DNAH14: variants seen among roughly 807,000 people sequenced by gnomAD.
DNAH14 encodes the protein axonemal beta dynein heavy chain 14.
In DNAH14, 478 loss-of-function variants were observed where a neutral mutation model predicts 520.9. That is an observed-to-expected ratio of 0.92 (90% CI 0.85 to 0.99). The LOEUF (loss-of-function observed/expected upper bound fraction) is 0.99. DNAH14 is among the 50% of genes least tolerant of loss of function. The pLI, the probability that DNAH14 is intolerant of heterozygous loss-of-function variation, is 0.00. For synonymous variants in DNAH14, 1,581 were observed against 1,757.2 expected, an observed-to-expected ratio of 0.90 and a Z score of 2.51; for missense variants, 4,831 against 5,234.5, an observed-to-expected ratio of 0.92 and a Z score of 2.38.
intron 17 of DNAH14, among the ~76,000 whole-genome samples, chr1:225,056,726 TCCAGTTTCAGCTTTCTACATATGGCTAG>T (rs1486934533): frequency 6.6e-6 from 1 of 152,190 alleles, no homozygotes; most frequent in African/African-American, 2.4e-5. Flanking sequence ...AAGGAAGGGA[TCCAGTTTCAGCTTTCTACATATGGCTAG>T]CCAGTTTTCC....
At chr1:225,323,110 A>G (rs1258242638) in intron 62 of DNAH14, among the ~76,000 whole-genome samples, 2 of 152,194 alleles carry the variant, frequency 1.3e-5, no homozygotes, top group South Asian at 2.1e-4. Context: ...ACCTGTGGGC[A>G]TGTGACACAG....
intron 35 of DNAH14, among the ~76,000 whole-genome samples, chr1:225,163,290 A>C (rs2081712167): frequency 6.6e-6 from 1 of 152,078 alleles, no homozygotes; most frequent in South Asian, 2.1e-4. Context: ...ATATAAGATC[A>C]TATCATCTGC....
intron 10 of DNAH14, among the ~76,000 whole-genome samples, chr1:225,020,234 T>C (rs2065556690): frequency 6.6e-6 from 1 of 151,830 alleles, no homozygotes; most frequent in Non-Finnish European, 1.5e-5. Context: ...AGGTGGCTCA[T>C]GCTTGTAATC....
At chr1:224,938,976 A>G (rs886693082) in intron 1 of DNAH14, among the ~76,000 whole-genome samples, 19 of 152,194 alleles carry the variant, frequency 1.2e-4, no homozygotes, top group African/African-American at 4.6e-4. Context: ...TGGGAGCAAA[A>G]AAAGTGGCTC....
Position 225,354,976 on chromosome 1 carries a change from T to G in DNAH14, c.11619+1088T>G, listed in dbSNP as rs1278386254. Among the ~76,000 whole-genome samples the G allele has an allele frequency of 3.3e-5, 5 of 152,198 alleles. No homozygotes were observed. In the South Asian group the frequency reaches 6.2e-4, roughly 19 times the overall value. ...TTATTTGGCCTGAAGTTTTGTTTGGTTTTTTACAACTTTTCAGGTGCAATT... is the reference window on the plus strand; with the variant it reads ...TTATTTGGCCTGAAGTTTTGTTTGGGTTTTTACAACTTTTCAGGTGCAATT... On this transcript the variant is annotated intron_variant, in intron 73 of 85. Transcript: ENST00000682510.
intron 8 of DNAH14, among the ~76,000 whole-genome samples, chr1:224,992,807 A>G (rs144679373): frequency 6.6e-6 from 1 of 152,168 alleles, no homozygotes; most frequent in East Asian, 1.9e-4. Context: ...ATTTTTTACT[A>G]TGCTTACCAA....
intron 23 of DNAH14, among the ~76,000 whole-genome samples, chr1:225,105,994 T>C (rs2076013461): frequency 7.5e-6 from 1 of 133,566 alleles, no homozygotes; most frequent in East Asian, 2.2e-4. Flanking sequence ...CTTTACAATT[T>C]GGCATGTTTT....
At chr1:225,130,696 G>C (rs2078312225) in intron 27 of DNAH14, among the ~76,000 whole-genome samples, 2 of 139,206 alleles carry the variant, frequency 1.4e-5, no homozygotes, top group African/African-American at 5.9e-5. Flanking sequence ...GGGAGGGATA[G>C]CATTAGGAGA....
intron 54 of DNAH14, among the ~76,000 whole-genome samples, chr1:225,289,166 T>C (rs568642295): frequency 6.6e-6 from 1 of 152,266 alleles, no homozygotes; most frequent in South Asian, 2.1e-4. Context: ...AAAGAACTTA[T>C]TATGCTAAGT....
Position 224,967,485 on chromosome 1 carries a change from A to G in DNAH14, c.553A>G (p.Lys185Glu), listed in dbSNP as rs769996137. ...FVYCLPRKSP[K>E]SLYNPYDLQV... ...TTATTGCCTTCCTCGGAAAAGTCCT[A>G]AATCCCTTTACAATCCATATGATCT... is the stretch of plus-strand genomic sequence containing the variant. Residue 185 changes from lysine to glutamate, a missense_variant, in exon 6 of 86, where the codon AAA (lysine) becomes GAA (glutamate). Coordinates refer to ENST00000682510, the MANE Select transcript of DNAH14 (RefSeq NM_001367479.1). 1.4e-5 allele frequency: 23 copies of G among 1,597,276 alleles called. No homozygotes were observed. In the East Asian group the frequency reaches 5.0e-4, roughly 35 times the overall value.
chr1:225,088,816 TTTAAG>T (rs1322394065), intron 21 of DNAH14, among the ~76,000 whole-genome samples: 1 of 152,134 alleles, frequency 6.6e-6, no homozygotes, highest in Non-Finnish European at 1.5e-5. Context: ...TAAAAACAAC[TTTAAG>T]TTAATTAAGT....
chr1:225,320,614 C>G (rs913617749), intron 61 of DNAH14, among the ~76,000 whole-genome samples: 2 of 152,198 alleles, frequency 1.3e-5, no homozygotes, highest in African/African-American at 4.8e-5. Flanking sequence ...ACAGCTTAGT[C>G]CATTCTCTTC....
intron 60 of DNAH14, among the ~76,000 whole-genome samples, chr1:225,310,684 G>C (rs2094346230): frequency 6.6e-6 from 1 of 152,148 alleles, no homozygotes; most frequent in African/African-American, 2.4e-5. Flanking sequence ...ATTTATGAGT[G>C]AGAATATGCA....
chr1:225,239,708 T>C (rs2091852298), intron 42 of DNAH14, among the ~76,000 whole-genome samples: 1 of 152,206 alleles, frequency 6.6e-6, no homozygotes, highest in Non-Finnish European at 1.5e-5. Flanking sequence ...AGGGATCATA[T>C]CTGTTTTGTT....
intron 8 of DNAH14, among the ~76,000 whole-genome samples, chr1:224,976,112 C>G (rs373267172): frequency 2.8e-4 from 43 of 151,974 alleles, no homozygotes; most frequent in African/African-American, 9.9e-4. Flanking sequence ...AATTTCTGAT[C>G]TTTTACATTT....
At chr1:225,335,998 CATATAT>C (rs2095033764) in intron 66 of DNAH14, among the ~76,000 whole-genome samples, 1 of 84,296 alleles carries the variant, frequency 1.2e-5, no homozygotes, top group African/African-American at 4.9e-5. Flanking sequence ...CACACATATG[CATATAT>C]GTATACGCAT....
chr1:225,056,058 G>A (rs1351652706), intron 17 of DNAH14, among the ~76,000 whole-genome samples: 1 of 151,814 alleles, frequency 6.6e-6, no homozygotes, highest in East Asian at 1.9e-4. Context: ...CCCAGTAATG[G>A]GATGCCTGGG....
At chr1:225,380,721 C>G (rs1353763290) in intron 80 of DNAH14, among the ~76,000 whole-genome samples, 1 of 152,204 alleles carries the variant, frequency 6.6e-6, no homozygotes, top group African/African-American at 2.4e-5. Flanking sequence ...GGAATCAGGG[C>G]AGGCCCAGGA....
intron 11 of DNAH14, among the ~76,000 whole-genome samples, chr1:225,025,698 T>G (rs554172040): frequency 6.6e-6 from 1 of 152,244 alleles, no homozygotes; most frequent in South Asian, 2.1e-4. Context: ...GAGACTGCAG[T>G]GATCACTAAA....
Sources: gnomAD v4.1 joint callset for allele counts (sites outside exome capture counted in the v4.1 genomes callset) on GRCh38, gnomAD v4.1.1 for gene constraint, MANE v1.5 for transcripts, NCBI Gene and HGNC (gene_info 2026-07-23, HGNC 2026-07-21) for gene names.